TMEM63C: variants seen among roughly 807,000 people sequenced by gnomAD.
TMEM63C encodes the protein osmosensitive cation channel TMEM63C.
Under a neutral mutation model 99.2 loss-of-function variants are expected in TMEM63C, and 32 were observed. That is an observed-to-expected ratio of 0.32 (90% CI 0.24 to 0.43). TMEM63C has a LOEUF of 0.43. Ranked by LOEUF, TMEM63C falls within the 20% of genes least tolerant of loss-of-function variation. The probability of loss-of-function intolerance (pLI) is 1.00; values close to 1 mark genes in which losing one functional copy is unlikely to be tolerated. For synonymous variants in TMEM63C, 376 were observed against 397.9 expected (o/e 0.94, Z 0.66); for missense variants, 826 against 1,053.0 (o/e 0.78, Z 2.98).
chr14:77,253,960 T>G (rs4903562), intron 23 of TMEM63C, among the ~76,000 whole-genome samples: 112,417 of 152,134 alleles, frequency 0.74, 41,921 homozygotes, highest in East Asian at 0.95. Flanking sequence ...AAATGCAGCT[T>G]CAGAGCCACC....
chr14:77,209,959 C>A (rs1888467006), intron 1 of TMEM63C, among the ~76,000 whole-genome samples: 1 of 152,014 alleles, frequency 6.6e-6, no homozygotes, highest in Middle Eastern at 3.2e-3. Flanking sequence ...GGGGTGGGGG[C>A]AGAGATTGCA....
chr14:77,217,752 C>T (rs981710565), intron 2 of TMEM63C, among the ~76,000 whole-genome samples: 5 of 152,200 alleles, frequency 3.3e-5, no homozygotes, highest in African/African-American at 9.6e-5. Flanking sequence ...TTCAGGCTCA[C>T]GGAGTTGGCT....
At position 77,225,575 on chromosome 14, in the gene TMEM63C, T is replaced by G. The variant is rs1594860233; in HGVS notation, c.350+114T>G. ...GGGAAGACAGGGCCTGAGCTCCGTA[T>G]CCTCCCCGCCACCTCGGCCCATTAC... On this transcript the variant is annotated intron_variant, in intron 6 of 23. Coordinates refer to ENST00000298351, the MANE Select transcript of TMEM63C (RefSeq NM_020431.4). 2.8e-6 allele frequency: 3 copies of G among 1,057,152 alleles called. No individual in the cohort carries two copies. The East Asian group carries it at 7.8e-5, about 27-fold the overall frequency. The allele number at this position is 1,057,152 out of a possible 1,614,324, so 65.5% of individuals were successfully genotyped here. A position where few individuals can be genotyped will look rare whatever the true frequency, so the allele number is the denominator to read the frequency against.
In TMEM63C at chr14:77,242,356, G is replaced by A. The variant is rs1889193006; in HGVS notation, c.1074G>A (p.Lys358=). The A allele has an allele frequency of 2.2e-5, 35 of 1,610,100 alleles. No individual in the cohort carries two copies. The highest frequency in any genetic ancestry group is 2.9e-5 in the Non-Finnish European group (34 of 1,178,018). Reference sequence around the variant, plus strand: ...TCTCCCCTCTCTGCAGTGTCCGTAAGGATTACAAGTATGTCCAGTGTGGTG... The same window carrying A: ...TCTCCCCTCTCTGCAGTGTCCGTAAAGATTACAAGTATGTCCAGTGTGGTG... ...QDSRMAKRVR[K]DYKYVQCGVQ... is the part of the protein sequence containing the mutation. The change falls in exon 14 of 24, where the codon AAG becomes AAA. Residue 358 remains lysine (K), a synonymous_variant. Coordinates refer to ENST00000298351, the MANE Select transcript of TMEM63C (RefSeq NM_020431.4).
chr14:77,200,400 A>T (rs1888280277), intron 1 of TMEM63C, among the ~76,000 whole-genome samples: 1 of 152,172 alleles, frequency 6.6e-6, no homozygotes, highest in African/African-American at 2.4e-5. Context: ...CTTCATCACA[A>T]GCAAACCTGT....
chr14:77,243,149 G>A (rs577805452), intron 15 of TMEM63C, 93 bp downstream of exon 15: 1 of 1,454,240 alleles, frequency 6.9e-7, no homozygotes, highest in East Asian at 2.4e-5. Context: ...CCTGGGAGGG[G>A]GCTGTGGAGC....
In TMEM63C at chr14:77,242,372, C is replaced by G. The variant is rs1889193353; in HGVS notation, c.1090C>G (p.Gln364Glu). ...TGTCCGTAAGGATTACAAGTATGTCCAGTGTGGTGTGCAACCCCAGCAGTC... is the reference window on the plus strand; with the variant it reads ...TGTCCGTAAGGATTACAAGTATGTCGAGTGTGGTGTGCAACCCCAGCAGTC... ...KRVRKDYKYV[Q>E]CGVQPQQSSV... Residue 364 changes from glutamine to glutamate, a missense_variant, in exon 14 of 24, where the codon CAG (glutamine) becomes GAG (glutamate). By Grantham distance (29) the Gln-to-Glu change is conservative. Coordinates refer to ENST00000298351, the MANE Select transcript of TMEM63C (RefSeq NM_020431.4). 1 of 1,613,676 alleles carries G rather than the reference C, an allele frequency of 6.2e-7. No individual in the cohort carries two copies. The highest frequency in any genetic ancestry group is 1.3e-5 in the African/African-American group (1 of 74,852).
Position 77,219,523 on chromosome 14 carries a change from T to C in TMEM63C, c.176T>C (p.Leu59Pro). 6.2e-7 allele frequency: 1 copy of C among 1,613,940 alleles called. No homozygotes were observed. Among genetic ancestry groups the C allele is most frequent in the Non-Finnish European group, 8.5e-7 (1 of 1,179,886 alleles). Residue 59 changes from leucine to proline, a missense_variant, in exon 4 of 24, where the codon CTC becomes CCC. Transcript: ENST00000298351. ...WVLVLVVYSF[L>P]RKAAWDYGRL... ...CTCGTCCTTGTGGTTTACTCCTTCC[T>C]CCGGAAAGCTGCGTGGGACTATGGG...
intron 10 of TMEM63C, among the ~76,000 whole-genome samples, chr14:77,239,073 C>T (rs1403437887): frequency 6.6e-6 from 1 of 152,224 alleles, no homozygotes; most frequent in Non-Finnish European, 1.5e-5. Context: ...TAGAGAAGAT[C>T]ATCTGGAGAC....
intron 1 of TMEM63C, among the ~76,000 whole-genome samples, chr14:77,196,645 C>T (rs1039251684): frequency 2.6e-5 from 4 of 152,220 alleles, no homozygotes; most frequent in Admixed American, 6.5e-5. Flanking sequence ...TAACTCTTGA[C>T]ACTTTATCCT....
At chr14:77,186,797 G>C (rs868420437) in intron 1 of TMEM63C, among the ~76,000 whole-genome samples, 25 of 100,040 alleles carry the variant, frequency 2.5e-4, no homozygotes, top group East Asian at 5.4e-4. Context: ...GTGTGTGTGT[G>C]TGTCTGTGTG....
intron 2 of TMEM63C, among the ~76,000 whole-genome samples, 152 bp from the exon 3 acceptor site, chr14:77,218,649 G>A (rs148741676): frequency 3.3e-5 from 5 of 152,360 alleles, no homozygotes; most frequent in Admixed American, 6.5e-5. Flanking sequence ...GCTGTGTGCC[G>A]TCTCGTGGGC....
chr14:77,248,029 G>A (rs1292386907), intron 18 of TMEM63C, among the ~76,000 whole-genome samples: 3 of 151,978 alleles, frequency 2.0e-5, no homozygotes, highest in Admixed American at 6.6e-5. Context: ...GGATTCTCCC[G>A]AGTCTTTGGA....
At chr14:77,221,327 ACCTCCCACTCACGCCC>A (rs1202503840) in intron 5 of TMEM63C, among the ~76,000 whole-genome samples, 7 of 8,982 alleles carry the variant, frequency 7.8e-4, no homozygotes, top group Non-Finnish European at 1.2e-3. Context: ...ATCACGCTTC[ACCTCCCACTCACGCCC>A]CCTCCCACTC....
In TMEM63C at chr14:77,256,861, A is replaced by C; in HGVS notation, c.*135A>C. ...GAAGCCCACAGTGGAGACATCCACC[A>C]CCCCAGCCATGGGCCATACGGGGGT... On this transcript the variant is annotated 3_prime_UTR_variant, in exon 24 of 24. Coordinates refer to ENST00000298351, the MANE Select transcript of TMEM63C (RefSeq NM_020431.4). 4 of 818,922 alleles carry C rather than the reference A, an allele frequency of 4.9e-6. No homozygotes were observed. The highest frequency in any genetic ancestry group is 1.8e-5 in the South Asian group (1 of 55,874). The allele number at this position is 818,922 out of a possible 1,614,324, so 50.7% of individuals were successfully genotyped here.
At chr14:77,250,159 G>A (rs1281554404) in intron 21 of TMEM63C, among the ~76,000 whole-genome samples, 3 of 152,158 alleles carry the variant, frequency 2.0e-5, no homozygotes, top group Non-Finnish European at 4.4e-5. Context: ...TTTATGGGTT[G>A]CCAAAAAACC....
Position 77,248,814 on chromosome 14 carries a change from G to T in TMEM63C, c.1812G>T (p.Met604Ile). ...TTGGGCGTGAGTATGCGTGGATGAT[G>T]AACGTGTTCAGCGTGGTGATGGCGT... ...FQFGREYAWM[M>I]NVFSVVMAYS... is the part of the protein sequence containing the mutation. Residue 604 changes from methionine to isoleucine, a missense_variant, in exon 20 of 24, where the codon ATG (methionine) becomes ATT (isoleucine). By Grantham distance (10) the Met-to-Ile change is conservative. Coordinates refer to ENST00000298351, the MANE Select transcript of TMEM63C (RefSeq NM_020431.4). 6.2e-7 allele frequency: 1 copy of T among 1,614,064 alleles called. No homozygotes were observed. Among genetic ancestry groups the T allele is most frequent in the Non-Finnish European group, 8.5e-7 (1 of 1,179,912 alleles).
intron 17 of TMEM63C, 117 bp from the exon 18 acceptor site, chr14:77,246,492 C>A: frequency 1.1e-6 from 1 of 883,932 alleles, no homozygotes; most frequent in Non-Finnish European, 1.8e-6. Flanking sequence ...TGTGGACTGG[C>A]CAGCTGGAAT....
At position 77,251,708 on chromosome 14, in the gene TMEM63C, T is replaced by A. The variant is rs920903923; in HGVS notation, c.2039-81T>A. On this transcript the variant is annotated intron_variant, in intron 21 of 23. Coordinates refer to ENST00000298351, the MANE Select transcript of TMEM63C (RefSeq NM_020431.4). ...GGTCAAAGCCCTTGCAGTGGTGCTG[T>A]GACGGTCCCTGGCATCTGCCAGTTG... is the stretch of plus-strand genomic sequence containing the variant. The A allele has an allele frequency of 5.4e-5, 61 of 1,134,168 alleles. No homozygotes were observed. In the African/African-American group the frequency reaches 7.6e-4, roughly 14 times the overall value. 70.3% of individuals were successfully genotyped at this position (1,134,168 alleles called of 1,614,324 possible). A position where few individuals can be genotyped will look rare whatever the true frequency, so the allele number is the denominator to read the frequency against.
Sources: allele counts gnomAD v4.1 joint callset (sites outside exome capture counted in the v4.1 genomes callset), GRCh38; gene constraint gnomAD v4.1.1; transcripts MANE v1.5; gene names NCBI Gene and HGNC (gene_info 2026-07-23, HGNC 2026-07-21).